The following CAPS2 variants were observed in gnomAD, a reference collection of about 807,000 sequenced individuals.
The protein encoded by CAPS2 is calcyphosine 2.
Under a neutral mutation model 86.5 loss-of-function variants are expected in CAPS2, and 98 were observed. The observed-to-expected ratio is 1.13, with a 90% CI of 0.96 to 1.34. The LOEUF (loss-of-function observed/expected upper bound fraction) is 1.34, where lower values mean the gene tolerates loss of function less well. Among genes scored for constraint, CAPS2 ranks in the 40% most tolerant of loss-of-function variants. The probability of loss-of-function intolerance (pLI) is 0.00; values close to 1 mark genes in which losing one functional copy is unlikely to be tolerated. For synonymous variants in CAPS2, 210 were observed against 225.1 expected (o/e 0.93, Z 0.60); for missense variants, 729 against 686.8 (o/e 1.06, Z -0.69).
intron 1 of CAPS2, among the ~76,000 whole-genome samples, chr12:75,383,740 T>G (rs1266515600): frequency 1.3e-5 from 2 of 152,130 alleles, no homozygotes; most frequent in African/African-American, 4.8e-5. Flanking sequence ...ATTCTCGAGC[T>G]CATATGAAAC....
At chr12:75,327,024 T>A (rs1005600607), upstream of CAPS2, among the ~76,000 whole-genome samples, 1 of 152,186 alleles carries the variant, frequency 6.6e-6, no homozygotes, top group Non-Finnish European at 1.5e-5. Flanking sequence ...TGGATTTTCC[T>A]ATGGCGCTTC....
chr12:75,291,888 C>A (rs1198436383), intron 12 of CAPS2, 68 bp from the exon 13 acceptor site: 5 of 636,554 alleles, frequency 7.9e-6, no homozygotes, highest in South Asian at 3.2e-5. Context: ...AGTATAAAAC[C>A]TCTAAGCTCT....
At chr12:75,368,859 T>C (rs757376275) in intron 1 of CAPS2, among the ~76,000 whole-genome samples, 1 of 151,316 alleles carries the variant, frequency 6.6e-6, no homozygotes, top group African/African-American at 2.4e-5. Flanking sequence ...ATTACTAATT[T>C]TTTTCATCAT....
chr12:75,325,652 C>G (rs536463898), intron 1 of CAPS2, among the ~76,000 whole-genome samples: 31 of 150,536 alleles, frequency 2.1e-4, no homozygotes, highest in Non-Finnish European at 4.1e-4. Context: ...TTGTTTTTTT[C>G]TTAAGGCAAC....
exon 15 of CAPS2, chr12:75,284,999 CAAT>C (rs757183829): frequency 5.6e-6 from 9 of 1,608,540 alleles, no homozygotes; most frequent in African/African-American, 2.7e-5. Flanking sequence ...TTCATTTCAC[CAAT>C]AATACCACGT....
chr12:75,299,183 G>A (rs1019938838), intron 9 of CAPS2, among the ~76,000 whole-genome samples: 14 of 152,064 alleles, frequency 9.2e-5, no homozygotes, highest in African/African-American at 3.1e-4. Flanking sequence ...ATCTTACACT[G>A]ACATTAAAAG....
chr12:75,388,929 G>A (rs1433399250), intron 1 of CAPS2, among the ~76,000 whole-genome samples: 1 of 152,046 alleles, frequency 6.6e-6, no homozygotes, highest in Non-Finnish European at 1.5e-5. Flanking sequence ...TCTCAGTTTT[G>A]TTGTGAACCT....
At chr12:75,290,183 GAC>G (rs2035591934) in intron 13 of CAPS2, among the ~76,000 whole-genome samples, 1 of 152,060 alleles carries the variant, frequency 6.6e-6, no homozygotes, top group African/African-American at 2.4e-5. Flanking sequence ...CAAAATTGAT[GAC>G]AGGCAAGTCA....
chr12:75,319,580 G>A (rs1379622970), intron 5 of CAPS2, among the ~76,000 whole-genome samples: 4 of 151,962 alleles, frequency 2.6e-5, no homozygotes, highest in Admixed American at 1.3e-4. Context: ...ACCCAGCCTC[G>A]GGTATTTCTT....
In CAPS2 at chr12:75,369,613, A is replaced by G. The variant is rs904895542; in HGVS notation, c.-395+21225T>C. The G allele has an allele frequency of 5.1e-6, 5 of 984,984 alleles. No homozygotes were observed. The East Asian group carries it at 5.7e-4, about 112-fold the overall frequency. 61.0% of individuals were successfully genotyped at this position (984,984 alleles called of 1,614,324 possible). A position where few individuals can be genotyped will look rare whatever the true frequency, so the allele number is the denominator to read the frequency against. ...ATGAGATTGTTAATGAGTTCTGCAT[A>G]CAAAAAATTCAACATGAAGAAATTA... On this transcript the variant is annotated intron_variant, in intron 1 of 5. Coordinates refer to the CAPS2 transcript ENST00000551829.
At chr12:75,348,153 C>G (rs2042577103) in intron 1 of CAPS2, among the ~76,000 whole-genome samples, 1 of 152,052 alleles carries the variant, frequency 6.6e-6, no homozygotes, top group African/African-American at 2.4e-5. Context: ...CTGATAATTG[C>G]ATATCTAAAT....
intron 1 of CAPS2, among the ~76,000 whole-genome samples, chr12:75,352,645 A>T (rs1468648306): frequency 6.6e-6 from 1 of 152,230 alleles, no homozygotes; most frequent in African/African-American, 2.4e-5. Context: ...GCTCTGGATC[A>T]AGTGGACCTG....
chr12:75,374,897 T>C (rs1249969344), intron 1 of CAPS2, among the ~76,000 whole-genome samples: 1 of 152,196 alleles, frequency 6.6e-6, no homozygotes, highest in East Asian at 1.9e-4. Context: ...AACACTTGGT[T>C]AAGCCTAGGA....
At chr12:75,350,614 G>A (rs1418936231) in intron 1 of CAPS2, among the ~76,000 whole-genome samples, 1 of 152,114 alleles carries the variant, frequency 6.6e-6, no homozygotes, top group Non-Finnish European at 1.5e-5. Context: ...CTACAGAAAA[G>A]GGGCCTTACT....
upstream of CAPS2, among the ~76,000 whole-genome samples, chr12:75,330,279 G>C (rs1267585497): frequency 2.0e-5 from 3 of 152,124 alleles, no homozygotes; most frequent in Non-Finnish European, 4.4e-5. Flanking sequence ...AAACCCAAAG[G>C]GGTGAAACCT....
At chr12:75,350,850 G>C (rs552564721) in intron 1 of CAPS2, among the ~76,000 whole-genome samples, 1 of 152,308 alleles carries the variant, frequency 6.6e-6, no homozygotes, top group South Asian at 2.1e-4. Flanking sequence ...GGCTGAGATG[G>C]ACGAATTGAC....
intron 7 of CAPS2, chr12:75,305,561 C>A: frequency 1.6e-6 from 1 of 628,302 alleles, no homozygotes; most frequent in South Asian, 1.4e-5. Flanking sequence ...GCGACCCTGG[C>A]AGAGCCGCAG....
chr12:75,326,390 A>C, intron 1 of CAPS2, 28 bp downstream of exon 2: 1 of 902,422 alleles, frequency 1.1e-6, no homozygotes, highest in Admixed American at 2.6e-5. Flanking sequence ...TCATCCTGAA[A>C]GAAGAAAATT....
intron 1 of CAPS2, among the ~76,000 whole-genome samples, chr12:75,350,660 A>G (rs2042745164): frequency 6.6e-6 from 1 of 152,212 alleles, no homozygotes; most frequent in Admixed American, 6.5e-5. Flanking sequence ...AACAGCATCA[A>G]TAAAAAAAGA....
Sources: allele counts gnomAD v4.1 joint callset (sites outside exome capture counted in the v4.1 genomes callset), GRCh38; gene constraint gnomAD v4.1.1; transcripts MANE v1.5; gene names NCBI Gene and HGNC (gene_info 2026-07-23, HGNC 2026-07-21).